CHN1: variants seen among roughly 807,000 people sequenced by gnomAD.
CHN1 encodes chimerin 1, also known as N-chimaerin.
CHN1 carries 37 observed loss-of-function variants against 59.5 expected under a neutral mutation model. That is an observed-to-expected ratio of 0.62 (90% CI 0.48 to 0.82). The LOEUF (loss-of-function observed/expected upper bound fraction) is 0.82. Ranked by LOEUF, CHN1 falls within the 40% of genes least tolerant of loss-of-function variation. CHN1 has a pLI of 0.00. For missense variants in CHN1, 469 were observed against 571.0 expected, an observed-to-expected ratio of 0.82 and a Z score of 1.82; for synonymous variants, 206 against 200.4, an observed-to-expected ratio of 1.03 and a Z score of -0.24.
At chr2:174,942,296 G>A (rs1689690058) in intron 3 of CHN1, among the ~76,000 whole-genome samples, 1 of 151,920 alleles carries the variant, frequency 6.6e-6, no homozygotes, top group Non-Finnish European at 1.5e-5. Flanking sequence ...AAGAAAATGT[G>A]GTTTATTTAC....
chr2:174,999,741 A>G (rs924265322), intron 1 of CHN1, among the ~76,000 whole-genome samples: 7 of 152,252 alleles, frequency 4.6e-5, no homozygotes, highest in Admixed American at 3.9e-4. Context: ...GATACATAGT[A>G]TATCTCTGGT....
chr2:174,943,704 T>A (rs535258210), intron 3 of CHN1, among the ~76,000 whole-genome samples: 1 of 152,172 alleles, frequency 6.6e-6, no homozygotes, highest in Non-Finnish European at 1.5e-5. Flanking sequence ...ATAATAATTA[T>A]GTAAATAAGG....
At chr2:174,955,213 A>C (rs974526739) in intron 1 of CHN1, among the ~76,000 whole-genome samples, 8 of 42,790 alleles carry the variant, frequency 1.9e-4, no homozygotes, top group Admixed American at 3.0e-4. Context: ...TGATATATAT[A>C]TATATCTATA....
chr2:174,968,342 A>G (rs1230556347), intron 1 of CHN1, among the ~76,000 whole-genome samples: 1 of 152,246 alleles, frequency 6.6e-6, no homozygotes, highest in Non-Finnish European at 1.5e-5. Context: ...GGTTTGCCTT[A>G]GATTATAAAC....
At chr2:174,892,120 A>C (rs143686285) in intron 5 of CHN1, among the ~76,000 whole-genome samples, 2,314 of 152,280 alleles carry the variant, frequency 0.015, 27 homozygotes, top group Middle Eastern at 0.034. Context: ...CTTCCCAATA[A>C]AGAAAAGGAC....
chr2:174,955,925 A>G (rs1371451220), intron 1 of CHN1, among the ~76,000 whole-genome samples: 3 of 152,316 alleles, frequency 2.0e-5, no homozygotes, highest in East Asian at 3.9e-4. Context: ...TAAACTACCT[A>G]TTAAGCACTA....
intron 5 of CHN1, among the ~76,000 whole-genome samples, chr2:174,879,767 G>A (rs1198026627): frequency 6.6e-6 from 1 of 152,124 alleles, no homozygotes; most frequent in East Asian, 1.9e-4. Context: ...ATTTCAATGA[G>A]GGCTCAGACC....
intron 7 of CHN1, among the ~76,000 whole-genome samples, chr2:174,841,037 T>C (rs1447176589): frequency 1.3e-5 from 2 of 152,342 alleles, no homozygotes; most frequent in African/African-American, 4.8e-5. Flanking sequence ...TAAAGGGCCA[T>C]GGTCTGTGAG....
chr2:174,816,742 A>G (rs1685280101), intron 8 of CHN1, among the ~76,000 whole-genome samples: 2 of 152,080 alleles, frequency 1.3e-5, no homozygotes, highest in Non-Finnish European at 2.9e-5. Flanking sequence ...GCCTTTTGTT[A>G]TAATTATTGG....
At chr2:174,811,436 T>A in intron 10 of CHN1, 75 bp downstream of exon 10, 1 of 957,744 alleles carries the variant, frequency 1.0e-6, no homozygotes, top group Non-Finnish European at 1.6e-6. Flanking sequence ...ATGCAAAAAA[T>A]ACCTCACAAG....
intron 6 of CHN1, among the ~76,000 whole-genome samples, chr2:174,863,104 G>GAGTT (rs1343574767): frequency 6.6e-6 from 1 of 152,152 alleles, no homozygotes; most frequent in Non-Finnish European, 1.5e-5. Flanking sequence ...CTACTTCAAT[G>GAGTT]AGTTATCTGG....
intron 5 of CHN1, among the ~76,000 whole-genome samples, chr2:174,895,032 T>TACACACACACACGCGCGC (rs1165541648): frequency 2.1e-5 from 3 of 144,952 alleles, no homozygotes; most frequent in Non-Finnish European, 4.4e-5. Context: ...ACATAGTATA[T>TACACACACACACGCGCGC]ACACACACAC....
chr2:174,989,654 G>T (rs1241092122), intron 1 of CHN1, among the ~76,000 whole-genome samples: 1 of 151,978 alleles, frequency 6.6e-6, no homozygotes, highest in Admixed American at 6.6e-5. Context: ...GCTGGGCATG[G>T]TGGCTCGCAC....
chr2:174,838,529 T>C (rs1012609870), intron 7 of CHN1, among the ~76,000 whole-genome samples: 1 of 152,180 alleles, frequency 6.6e-6, no homozygotes, highest in Non-Finnish European at 1.5e-5. Flanking sequence ...ACATATGGTA[T>C]TTCTCCTATT....
At position 174,988,372 on chromosome 2, in the gene CHN1, A is replaced by T. The variant is rs1031686855; in HGVS notation, c.19+16522T>A. Among the ~76,000 whole-genome samples, 15 of 151,958 alleles carry T rather than the reference A, an allele frequency of 9.9e-5. No homozygotes were observed. In the South Asian group the frequency reaches 2.7e-3, roughly 27 times the overall value. The stretch of plus-strand genomic sequence containing the variant: ...ACTCCGTCTCAAAAAAAAAAAAAAA[A>T]AGACCAAATACTTGGGGAAAAATAG... On this transcript the variant is annotated intron_variant, in intron 1 of 12. Transcript: ENST00000409900.
intron 1 of CHN1, among the ~76,000 whole-genome samples, chr2:174,961,611 A>C (rs902795553): frequency 6.6e-6 from 1 of 151,804 alleles, no homozygotes; most frequent in African/African-American, 2.4e-5. Flanking sequence ...TAAATAAATA[A>C]AAATAAAAAT....
intron 2 of CHN1, among the ~76,000 whole-genome samples, chr2:174,951,028 C>T (rs1690011632): frequency 6.6e-6 from 1 of 152,226 alleles, no homozygotes; most frequent in Non-Finnish European, 1.5e-5. Context: ...ATCCGCCTGC[C>T]TCTGCCTCCC....
intron 7 of CHN1, among the ~76,000 whole-genome samples, chr2:174,826,945 T>TC (rs1685705348): frequency 1.3e-5 from 2 of 152,208 alleles, no homozygotes; most frequent in Admixed American, 1.3e-4. Flanking sequence ...TGTTTTTTTT[T>TC]GTTTTTTAAA....
intron 8 of CHN1, among the ~76,000 whole-genome samples, chr2:174,816,041 TG>T (rs1233149953): frequency 6.6e-5 from 10 of 151,954 alleles, no homozygotes; most frequent in African/African-American, 1.9e-4. Flanking sequence ...GCAGGTAGGG[TG>T]GAAGTCAAAG....
Sources: gnomAD v4.1 joint callset for allele counts (sites outside exome capture counted in the v4.1 genomes callset) on GRCh38, gnomAD v4.1.1 for gene constraint, MANE v1.5 for transcripts, NCBI Gene and HGNC (gene_info 2026-07-23, HGNC 2026-07-21) for gene names.